OSBPL10: variants seen among roughly 807,000 people sequenced by gnomAD.
OSBPL10 encodes oxysterol-binding protein-related protein 10.
A neutral mutation model predicts 81.7 loss-of-function variants in OSBPL10; 49 were observed. That is an observed-to-expected ratio of 0.60 (90% confidence interval 0.48 to 0.76). OSBPL10 has a LOEUF of 0.76. OSBPL10 is among the 30% of genes least tolerant of loss of function. The pLI is 0.00. For synonymous variants in OSBPL10, 419 were observed against 383.6 expected (o/e 1.09, Z -1.08); for missense variants, 923 against 987.8 (o/e 0.93, Z 0.88).
intron 2 of OSBPL10, chr3:31,989,526 G>A (rs1401399705): frequency 1.2e-6 from 2 of 1,614,192 alleles, no homozygotes; most frequent in South Asian, 2.2e-5. Context: ...CTGGAAACAA[G>A]CCTATCAAAG....
chr3:31,797,308 G>GA (rs1699253367), intron 4 of OSBPL10, among the ~76,000 whole-genome samples: 1 of 151,924 alleles, frequency 6.6e-6, no homozygotes, highest in African/African-American at 2.4e-5. Flanking sequence ...TGATTTAAGG[G>GA]CCAGGAGGAA....
At chr3:32,041,861 T>G (rs1181785494) in intron 2 of OSBPL10, among the ~76,000 whole-genome samples, 1 of 152,168 alleles carries the variant, frequency 6.6e-6, no homozygotes, top group African/African-American at 2.4e-5. Context: ...TGTTTCACCA[T>G]GTTGGCCAGG....
chr3:31,706,249 C>T (rs1024786652), intron 6 of OSBPL10, among the ~76,000 whole-genome samples: 1 of 152,118 alleles, frequency 6.6e-6, no homozygotes, highest in East Asian at 1.9e-4. Context: ...GACCTGTGCC[C>T]GGAGCAAGGG....
intron 1 of OSBPL10, among the ~76,000 whole-genome samples, chr3:31,979,887 G>A (rs534516889): frequency 6.7e-4 from 102 of 152,168 alleles, no homozygotes; most frequent in African/African-American, 2.4e-3. Context: ...GGGGAAGTGA[G>A]CAGGAAACTT....
intron 6 of OSBPL10, among the ~76,000 whole-genome samples, chr3:31,715,947 T>C (rs913120524): frequency 1.9e-4 from 29 of 152,354 alleles, no homozygotes; most frequent in African/African-American, 7.0e-4. Context: ...TAGACTGCCT[T>C]GCTTTTCCCA....
At position 31,899,109 on chromosome 3, in the gene OSBPL10, A is replaced by C. The variant is rs191031508; in HGVS notation, c.282-19279T>G. 6.7e-4 allele frequency among the ~76,000 whole-genome samples: 101 copies of C among 151,866 alleles called. 1 individual carries two copies. The East Asian group carries it at 0.019, about 28-fold the overall frequency. ...TAGGCGCACCCACCATGCCCAGCTAATTTTTGTATTTTAGTAGAGACGGGG... is the reference window on the plus strand; with the variant it reads ...TAGGCGCACCCACCATGCCCAGCTACTTTTTGTATTTTAGTAGAGACGGGG... On this transcript the variant is annotated intron_variant, in intron 1 of 11. Transcript: ENST00000396556.
chr3:31,963,682 A>G (rs1162946903), intron 1 of OSBPL10, among the ~76,000 whole-genome samples: 1 of 152,160 alleles, frequency 6.6e-6, no homozygotes, highest in Non-Finnish European at 1.5e-5. Context: ...TTATTACTTA[A>G]TGAAGCTCCC....
chr3:31,765,004 T>C (rs922150102), intron 4 of OSBPL10, among the ~76,000 whole-genome samples: 38 of 152,076 alleles, frequency 2.5e-4, no homozygotes, highest in African/African-American at 5.8e-4. Flanking sequence ...ATGGTTGTAA[T>C]TAACTAACTA....
chr3:31,906,803 T>C (rs1194784895), intron 1 of OSBPL10: 1 of 152,256 alleles, frequency 6.6e-6, no homozygotes, highest in Admixed American at 6.5e-5. Flanking sequence ...TACCTGGTGA[T>C]AACAACTATG....
intron 7 of OSBPL10, among the ~76,000 whole-genome samples, chr3:31,695,658 G>C (rs1695695732): frequency 6.6e-6 from 1 of 152,200 alleles, no homozygotes; most frequent in South Asian, 2.1e-4. Flanking sequence ...TGGAGAAACA[G>C]AGACAACATG....
chr3:32,053,698 G>A (rs1699685270), intron 1 of OSBPL10, among the ~76,000 whole-genome samples: 1 of 152,138 alleles, frequency 6.6e-6, no homozygotes, highest in Non-Finnish European at 1.5e-5. Flanking sequence ...AATGAGGATG[G>A]TGCTGTGGCT....
chr3:32,031,967 G>A (rs1006153852), intron 2 of OSBPL10, among the ~76,000 whole-genome samples: 4 of 152,168 alleles, frequency 2.6e-5, no homozygotes, highest in Non-Finnish European at 5.9e-5. Flanking sequence ...GGAAAGATGA[G>A]TCATTTTAAG....
chr3:31,988,142 G>T lies in OSBPL10; in HGVS notation n.298+58349C>A, dbSNP rs80260466. Among the ~76,000 whole-genome samples, 518 of 152,298 alleles carry T rather than the reference G, an allele frequency of 3.4e-3. 1 individual carries two copies. The highest frequency in any genetic ancestry group is 0.012 in the African/African-American group (487 of 41,560). ...TTGCACCTCCTGTTTCCGCCTCTTTGAACAAGAATATCTGGAGCAATTATC... is the reference window on the plus strand; with the variant it reads ...TTGCACCTCCTGTTTCCGCCTCTTTTAACAAGAATATCTGGAGCAATTATC... On this transcript the variant is annotated intron_variant and non_coding_transcript_variant, in intron 2 of 3. Transcript: ENST00000479173.
At chr3:31,882,650 A>G (rs898110726) in intron 1 of OSBPL10, among the ~76,000 whole-genome samples, 2 of 152,130 alleles carry the variant, frequency 1.3e-5, no homozygotes, top group Non-Finnish European at 2.9e-5. Flanking sequence ...ATAGAATGTG[A>G]GCAGAAGTGT....
intron 4 of OSBPL10, among the ~76,000 whole-genome samples, chr3:31,756,321 CT>C (rs1308828283): frequency 6.6e-6 from 1 of 152,164 alleles, no homozygotes; most frequent in African/African-American, 2.4e-5. Flanking sequence ...AGGTTCCTTC[CT>C]TTCCACTGTC....
chr3:32,048,971 C>T (rs1286950517), intron 1 of OSBPL10, among the ~76,000 whole-genome samples: 3 of 152,204 alleles, frequency 2.0e-5, no homozygotes, highest in Non-Finnish European at 4.4e-5. Context: ...CTAAAAGACA[C>T]TCCTACCAGT....
intron 4 of OSBPL10, among the ~76,000 whole-genome samples, chr3:31,779,280 G>A (rs1012750939): frequency 1.3e-5 from 2 of 152,098 alleles, no homozygotes; most frequent in Admixed American, 1.3e-4. Context: ...ATGGCAGAAT[G>A]GATAAAAATC....
In OSBPL10 at chr3:31,747,893, GC is replaced by G. The variant is rs1559446733; in HGVS notation, c.940+16del. 1.9e-6 allele frequency: 3 copies of G among 1,611,404 alleles called. No individual in the cohort carries two copies. The highest frequency in any genetic ancestry group is 2.2e-5 in the East Asian group (1 of 44,882). Reference sequence around the variant, plus strand: ...GTGTACTCATCCCAAACATGGACAAGCCCCCGGGGGTCTTACCCGAGGCTCC... The same window carrying G: ...GTGTACTCATCCCAAACATGGACAAGCCCCGGGGGTCTTACCCGAGGCTCC... On this transcript the variant is annotated intron_variant, in intron 5 of 11. Coordinates refer to ENST00000396556, the MANE Select transcript of OSBPL10 (RefSeq NM_017784.5).
At chr3:31,920,806 G>C (rs1450144189) in intron 1 of OSBPL10, among the ~76,000 whole-genome samples, 4 of 152,208 alleles carry the variant, frequency 2.6e-5, no homozygotes, top group African/African-American at 9.6e-5. Context: ...AGAGTTGGTT[G>C]CTTAAAGAAG....
Sources: allele counts gnomAD v4.1 joint callset (sites outside exome capture counted in the v4.1 genomes callset), GRCh38; gene constraint gnomAD v4.1.1; transcripts MANE v1.5; gene names NCBI Gene and HGNC (gene_info 2026-07-23, HGNC 2026-07-21).